SYNE1: variants seen among roughly 807,000 people sequenced by gnomAD.
The protein encoded by SYNE1 is nesprin-1.
SYNE1 carries 616 observed loss-of-function variants against 1,111.0 expected under a neutral mutation model. That is an observed-to-expected ratio of 0.55 (90% confidence interval 0.52 to 0.59). SYNE1 has a LOEUF of 0.59. SYNE1 is among the 20% of genes least tolerant of loss of function. SYNE1 has a pLI of 0.00. For synonymous variants in SYNE1, 3,855 were observed against 3,825.8 expected, an observed-to-expected ratio of 1.01 and a Z score of -0.28; for missense variants, 10,006 against 10,417.0, an observed-to-expected ratio of 0.96 and a Z score of 1.72.
intron 58 of SYNE1, among the ~76,000 whole-genome samples, chr6:152,374,341 G>A (rs1390468137): frequency 2.0e-5 from 3 of 152,160 alleles, no homozygotes; most frequent in African/African-American, 7.2e-5. Flanking sequence ...ATTCTGACAA[G>A]AAACAGAAGC....
intron 3 of SYNE1, chr6:152,546,392 G>A (rs1211538744): frequency 6.6e-6 from 1 of 152,272 alleles, no homozygotes; most frequent in East Asian, 1.9e-4. Context: ...CTCTTAGGAG[G>A]TGGTCTCATT....
intron 3 of SYNE1, chr6:152,546,413 T>C (rs2099313344): frequency 1.3e-5 from 2 of 151,954 alleles, no homozygotes; most frequent in South Asian, 4.1e-4. Flanking sequence ...TCCCCAGACC[T>C]TGAGTCTGGG....
rs769204248 is a variant in SYNE1 at position 152,484,935 on chromosome 6, C to G, written c.1085G>C (p.Arg362Thr). ...TTGTATTAAATGTTCAATCTGTTTCCTCTTCATTTCATATTGAACTCTGAA... is the reference window on the plus strand; with the variant it reads ...TTGTATTAAATGTTCAATCTGTTTCGTCTTCATTTCATATTGAACTCTGAA... The part of the protein sequence containing the change: ...KHFRVQYEMK[R>T]KQIEHLIQPL... The change falls in exon 13 of 146, where the codon AGG (arginine) becomes ACG (threonine). Residue 362 changes from arginine to threonine, a missense_variant. Around this residue, in one of 7 missense-constraint regions of SYNE1, gnomAD observed 1,971 missense variants for 2,084.1 expected, o/e 0.95. Transcript: ENST00000367255. 1 of 1,613,164 alleles carries G rather than the reference C, an allele frequency of 6.2e-7. No individual in the cohort carries two copies.
chr6:152,450,746 C>G lies in SYNE1; in HGVS notation c.3274G>C (p.Asp1092His). 1 of 1,614,076 alleles carries G rather than the reference C, an allele frequency of 6.2e-7. No individual in the cohort carries two copies. The highest frequency in any genetic ancestry group is 8.5e-7 in the Non-Finnish European group (1 of 1,180,016). The change falls in exon 27 of 146, where the codon GAC becomes CAC. Residue 1092 changes from aspartate (D) to histidine (H), a missense_variant. Physicochemically the swap from Asp to His is moderately conservative, Grantham distance 81. This residue lies in a region of SYNE1 where 1,971 missense variants were observed against 2,084.1 expected (regional missense o/e 0.95). Transcript: ENST00000367255. ...GTTCCAGGTGTGTCCCTTACTGGGTCCCGCACTGGGAGTTTCACACAGAGT... is the reference window on the plus strand; with the variant it reads ...GTTCCAGGTGTGTCCCTTACTGGGTGCCGCACTGGGAGTTTCACACAGAGT... ...EELCVKLPVR[D>H]PVRDTPGTCH...
At position 152,219,076 on chromosome 6, in the gene SYNE1, G is replaced by T. The variant is rs749002706; in HGVS notation, c.21971C>A (p.Ser7324Ter). ...VDASAASAIQSDQLSLSQHLC... is the reference protein window; with the variant it reads ...VDASAASAIQ ...GTGTTGACTCAAAGAGAGTTGATCCGATTGAATAGCTGATGCTGCGGAAGC... is the reference window on the plus strand; with the variant it reads ...GTGTTGACTCAAAGAGAGTTGATCCTATTGAATAGCTGATGCTGCGGAAGC... The change falls in exon 120 of 146, where the codon TCG (serine) becomes TAG (stop). Residue 7324 changes from serine (S) to a stop codon, truncating the protein, a stop_gained. Transcript: ENST00000367255. LOFTEE classifies it high-confidence loss of function. 6.2e-7 allele frequency: 1 copy of T among 1,614,132 alleles called. No homozygotes were observed. The highest frequency in any genetic ancestry group is 8.5e-7 in the Non-Finnish European group (1 of 1,180,006).
At chr6:152,569,001 T>A (rs904429113) in intron 3 of SYNE1, among the ~76,000 whole-genome samples, 1 of 152,252 alleles carries the variant, frequency 6.6e-6, no homozygotes, top group African/African-American at 2.4e-5. Context: ...CCAGTATTTT[T>A]AACTCTTATA....
At chr6:152,635,469 A>G (rs1475222086) in intron 2 of SYNE1, among the ~76,000 whole-genome samples, 1 of 152,202 alleles carries the variant, frequency 6.6e-6, no homozygotes, top group Non-Finnish European at 1.5e-5. Flanking sequence ...GATATCAGGA[A>G]CTTTTTAGCC....
chr6:152,390,593 G>T, intron 52 of SYNE1, 141 bp from the exon 53 acceptor site: 1 of 794,634 alleles, frequency 1.3e-6, no homozygotes, highest in Non-Finnish European at 2.0e-6. Flanking sequence ...GGGCCCTATT[G>T]CAATATAATA....
At chr6:152,548,454 G>A (rs1259727048) in intron 3 of SYNE1, among the ~76,000 whole-genome samples, 2 of 152,216 alleles carry the variant, frequency 1.3e-5, no homozygotes, top group Non-Finnish European at 2.9e-5. Context: ...TCCTTGGACA[G>A]AAGCATCTAT....
chr6:152,128,085 T>C (rs1159413140), intron 145 of SYNE1: 3 of 152,204 alleles, frequency 2.0e-5, no homozygotes, highest in African/African-American at 7.2e-5. Flanking sequence ...TTGCTGGAAA[T>C]TGGAGTGAAA....
intron 131 of SYNE1, among the ~76,000 whole-genome samples, chr6:152,157,388 G>C (rs1243521041): frequency 6.6e-6 from 1 of 152,206 alleles, no homozygotes; most frequent in African/African-American, 2.4e-5. Flanking sequence ...ATCTCATGGA[G>C]GTAGAGAGTA....
chr6:152,450,518 A>T (rs2098638783), intron 27 of SYNE1, 107 bp downstream of exon 27: 1 of 1,085,496 alleles, frequency 9.2e-7, no homozygotes, highest in African/African-American at 1.5e-5. Context: ...TTGTACGAGA[A>T]CATGAGCAAG....
At chr6:152,411,914 A>C (rs752885528) in intron 42 of SYNE1, among the ~76,000 whole-genome samples, 1 of 152,224 alleles carries the variant, frequency 6.6e-6, no homozygotes, top group Non-Finnish European at 1.5e-5. Context: ...GTTCTTATAA[A>C]GTTAAACATA....
At chr6:152,318,289 C>T (rs2095785884) in intron 85 of SYNE1, 26 bp from the exon 86 acceptor site, 1 of 1,613,400 alleles carries the variant, frequency 6.2e-7, no homozygotes, top group African/African-American at 1.3e-5. Flanking sequence ...AATGAAAGAA[C>T]ATTAGAGTAC....
At chr6:152,159,493 T>TA (rs2062012140) in intron 131 of SYNE1, among the ~76,000 whole-genome samples, 1 of 152,286 alleles carries the variant, frequency 6.6e-6, no homozygotes, top group African/African-American at 2.4e-5. Context: ...TAGTAAAAAG[T>TA]AAAAAACGAC....
At chr6:152,250,392 C>T (rs572415342) in intron 104 of SYNE1, among the ~76,000 whole-genome samples, 51 of 152,204 alleles carry the variant, frequency 3.4e-4, no homozygotes, top group Middle Eastern at 6.8e-3. Flanking sequence ...GGCCTGATCA[C>T]GCACATCACC....
rs746337576 is a variant in SYNE1, at chr6:152,136,605, A to G, written c.25659+13T>C. ...CTCTCTCTGAGTCACCTCCTGCCCA[A>G]AGCTCTACAGACCTGGCACTGCATC... On this transcript the variant is annotated intron_variant, in intron 141 of 145. Transcript: ENST00000367255. The G allele has an allele frequency of 3.1e-6, 5 of 1,612,708 alleles. No individual in the cohort carries two copies. The highest frequency in any genetic ancestry group is 3.4e-6 in the Non-Finnish European group (4 of 1,180,036).
At chr6:152,143,209 G>C (rs927417436) in intron 138 of SYNE1, among the ~76,000 whole-genome samples, 1 of 152,052 alleles carries the variant, frequency 6.6e-6, no homozygotes, top group African/African-American at 2.4e-5. Context: ...AAGGTCATTC[G>C]GTGAACCCAG....
chr6:152,423,846 T>C (rs1477690946), intron 39 of SYNE1, among the ~76,000 whole-genome samples: 3 of 152,190 alleles, frequency 2.0e-5, no homozygotes, highest in African/African-American at 7.2e-5. Context: ...TTTGCTCCCT[T>C]TGCCTGTGTG....
Sources: gnomAD v4.1 joint callset for allele counts (sites outside exome capture counted in the v4.1 genomes callset) on GRCh38, gnomAD v4.1.1 for gene constraint, gnomAD v4.1.1 regional missense constraint, MANE v1.5 for transcripts, NCBI Gene and HGNC (gene_info 2026-07-23, HGNC 2026-07-21) for gene names.